Variants in PTPRD observed in about 807,000 individuals in gnomAD.
PTPRD encodes receptor-type tyrosine-protein phosphatase delta.
Under a neutral mutation model 214.5 loss-of-function variants are expected in PTPRD, and 34 were observed. That is an observed-to-expected ratio of 0.16 (90% confidence interval 0.12 to 0.21). The LOEUF (loss-of-function observed/expected upper bound fraction) is 0.21, where lower values mean the gene tolerates loss of function less well. Among genes scored for constraint, PTPRD ranks in the 10% least tolerant of loss-of-function variants. The pLI, the probability that PTPRD is intolerant of heterozygous loss-of-function variation, is 1.00. For synonymous variants in PTPRD, 1,128 were observed against 845.7 expected, an observed-to-expected ratio of 1.33 and a Z score of -5.79; for missense variants, 2,545 against 2,398.7, an observed-to-expected ratio of 1.06 and a Z score of -1.27.
chr9:10,295,313 T>A (rs1263907633), intron 3 of PTPRD, among the ~76,000 whole-genome samples: 1 of 152,102 alleles, frequency 6.6e-6, no homozygotes, highest in Admixed American at 6.6e-5. Flanking sequence ...CCATAACACC[T>A]AAGCTTCAGT....
intron 2 of PTPRD, among the ~76,000 whole-genome samples, chr9:10,390,347 G>C (rs986111026): frequency 3.3e-5 from 5 of 151,708 alleles, no homozygotes; most frequent in Non-Finnish European, 7.4e-5. Flanking sequence ...TAAAATCCAA[G>C]TGAGGCTCAG....
At chr9:8,958,671 G>C (rs913114497) in intron 11 of PTPRD, 2 of 151,944 alleles carry the variant, frequency 1.3e-5, no homozygotes, top group South Asian at 4.2e-4. Flanking sequence ...AAGGAATTGA[G>C]CCTAGTTATT....
chr9:9,217,596 C>G (rs891709207), intron 9 of PTPRD, among the ~76,000 whole-genome samples: 1 of 152,162 alleles, frequency 6.6e-6, no homozygotes, highest in Non-Finnish European at 1.5e-5. Flanking sequence ...TCCTAAGACA[C>G]AAACTTGAGC....
At chr9:10,500,722 G>A (rs892467966) in intron 2 of PTPRD, among the ~76,000 whole-genome samples, 4 of 151,236 alleles carry the variant, frequency 2.6e-5, no homozygotes, top group Admixed American at 6.6e-5. Context: ...CCAGACTCTT[G>A]TAACAATCCT....
intron 11 of PTPRD, among the ~76,000 whole-genome samples, chr9:8,847,719 AAGG>A (rs1424928415): frequency 4.0e-5 from 6 of 149,818 alleles, no homozygotes; most frequent in South Asian, 4.2e-4. Flanking sequence ...ACTTACAGAC[AAGG>A]AGAAGAGGCT....
chr9:9,397,175 T>C (rs1444120472), intron 9 of PTPRD, among the ~76,000 whole-genome samples: 2 of 152,036 alleles, frequency 1.3e-5, no homozygotes, highest in Non-Finnish European at 2.9e-5. Context: ...AACAACAGGA[T>C]ATTACTTTTC....
At chr9:9,387,540 GA>G (rs1023648049) in intron 9 of PTPRD, among the ~76,000 whole-genome samples, 124 of 152,092 alleles carry the variant, frequency 8.2e-4, no homozygotes, top group Non-Finnish European at 1.5e-3. Context: ...ATTCTTGGCT[GA>G]AAAAAATTCC....
At chr9:9,927,275 A>C (rs932976842) in intron 5 of PTPRD, among the ~76,000 whole-genome samples, 11 of 152,148 alleles carry the variant, frequency 7.2e-5, no homozygotes, top group Non-Finnish European at 1.5e-4. Flanking sequence ...CGAACACTTA[A>C]AACCCACCTA....
chr9:8,882,592 A>G (rs2098455373), intron 11 of PTPRD, among the ~76,000 whole-genome samples: 1 of 152,080 alleles, frequency 6.6e-6, no homozygotes, highest in Admixed American at 6.6e-5. Context: ...TGTGATTAAG[A>G]TATTTTAGAG....
chr9:9,804,928 G>T (rs1386827305), intron 5 of PTPRD, among the ~76,000 whole-genome samples: 2 of 151,814 alleles, frequency 1.3e-5, no homozygotes, highest in African/African-American at 2.4e-5. Flanking sequence ...TTCTAAAGGT[G>T]AAAATGTGAT....
intron 7 of PTPRD, among the ~76,000 whole-genome samples, chr9:9,645,904 T>G (rs1029139450): frequency 6.6e-6 from 1 of 152,352 alleles, no homozygotes; most frequent in African/African-American, 2.4e-5. Context: ...AATTTATTAT[T>G]AATTGTTGTG....
chr9:9,017,639 A>G (rs1467399622), intron 11 of PTPRD, among the ~76,000 whole-genome samples: 1 of 152,210 alleles, frequency 6.6e-6, no homozygotes, highest in African/African-American at 2.4e-5. Flanking sequence ...AAATAAATCA[A>G]GAAACATTTT....
At chr9:8,369,748 A>G (rs920973939) in intron 39 of PTPRD, among the ~76,000 whole-genome samples, 3 of 152,038 alleles carry the variant, frequency 2.0e-5, no homozygotes, top group Non-Finnish European at 4.4e-5. Context: ...TTAATGTGAC[A>G]TAAGATTTAG....
chr9:10,484,078 C>T (rs549517834), intron 2 of PTPRD, among the ~76,000 whole-genome samples: 16 of 152,124 alleles, frequency 1.1e-4, no homozygotes, highest in Non-Finnish European at 1.8e-4. Flanking sequence ...TAAACATACA[C>T]ACACACAGAC....
At chr9:9,367,211 G>A (rs1287904164) in intron 9 of PTPRD, among the ~76,000 whole-genome samples, 2 of 151,310 alleles carry the variant, frequency 1.3e-5, no homozygotes, top group Non-Finnish European at 3.0e-5. Flanking sequence ...TTCTACAAGG[G>A]AGAACTAGAA....
chr9:8,622,042 A>G (rs62530715), intron 14 of PTPRD, among the ~76,000 whole-genome samples: 8,730 of 152,040 alleles, frequency 0.057, 384 homozygotes, highest in Non-Finnish European at 0.092. Context: ...AAGACATTTT[A>G]CCAGTACACT....
chr9:9,982,243 T>A (rs768290098), intron 4 of PTPRD, among the ~76,000 whole-genome samples: 3 of 152,194 alleles, frequency 2.0e-5, no homozygotes, highest in African/African-American at 7.2e-5. Flanking sequence ...GTCGTCTTTA[T>A]ATTCATCTTT....
chr9:9,451,391 T>C (rs2092130577), intron 8 of PTPRD, among the ~76,000 whole-genome samples: 1 of 151,802 alleles, frequency 6.6e-6, no homozygotes, highest in Non-Finnish European at 1.5e-5. Context: ...AAAATTTTAA[T>C]AACAAGAATT....
intron 9 of PTPRD, among the ~76,000 whole-genome samples, chr9:9,363,052 G>A (rs1233341368): frequency 1.3e-5 from 2 of 148,922 alleles, no homozygotes; most frequent in Non-Finnish European, 3.0e-5. Flanking sequence ...TTCCTTGAGA[G>A]TTCTGGAACT....
Sources: gnomAD v4.1 joint callset for allele counts (sites outside exome capture counted in the v4.1 genomes callset) on GRCh38, gnomAD v4.1.1 for gene constraint, MANE v1.5 for transcripts, NCBI Gene and HGNC (gene_info 2026-07-23, HGNC 2026-07-21) for gene names.